Variants in OR3A2 observed in about 807,000 individuals in gnomAD.
OR3A2 encodes olfactory receptor family 3 subfamily A member 2, also known as olfactory receptor 3A2.
For synonymous variants in OR3A2, 126 were observed against 159.3 expected, an observed-to-expected ratio of 0.79 and a Z score of 1.57; for missense variants, 318 against 392.8, an observed-to-expected ratio of 0.81 and a Z score of 1.61.
intron 2 of OR3A2, among the ~76,000 whole-genome samples, chr17:3,337,031 T>C (rs376247268): frequency 4.6e-5 from 7 of 152,304 alleles, no homozygotes; most frequent in East Asian, 3.9e-4. Context: ...GATATCTGTG[T>C]CTAATTTCAT....
At chr17:3,287,550 T>C (rs1478848376), upstream of OR3A2, among the ~76,000 whole-genome samples, 1 of 152,222 alleles carries the variant, frequency 6.6e-6, no homozygotes, top group Non-Finnish European at 1.5e-5. Flanking sequence ...CAACATCTAG[T>C]TCATTTCAGA....
chr17:3,371,427 C>G (rs1006653737), intron 2 of OR3A2, among the ~76,000 whole-genome samples: 21 of 134,986 alleles, frequency 1.6e-4, no homozygotes, highest in African/African-American at 5.2e-4. Context: ...GGGGGCTGAC[C>G]CCCCCACCTC....
At chr17:3,366,446 C>T (rs2049564131) in intron 2 of OR3A2, among the ~76,000 whole-genome samples, 1 of 152,150 alleles carries the variant, frequency 6.6e-6, no homozygotes. Flanking sequence ...GAAAATTCAG[C>T]TTGTCATTTA....
chr17:3,302,821 G>C (rs1223217665), intron 3 of OR3A2, among the ~76,000 whole-genome samples: 1 of 152,070 alleles, frequency 6.6e-6, no homozygotes, highest in Non-Finnish European at 1.5e-5. Context: ...TGAGCCTAGG[G>C]CTCCATATCC....
chr17:3,330,564 G>A (rs2049222560), intron 3 of OR3A2, among the ~76,000 whole-genome samples: 1 of 151,886 alleles, frequency 6.6e-6, no homozygotes, highest in Non-Finnish European at 1.5e-5. Flanking sequence ...CCATTTGCTT[G>A]GTAGATCTTT....
intron 2 of OR3A2, among the ~76,000 whole-genome samples, chr17:3,380,211 G>A (rs1467228938): frequency 1.3e-5 from 2 of 152,192 alleles, no homozygotes; most frequent in African/African-American, 4.8e-5. Context: ...AGACTTGCTG[G>A]GAGGAAGCAG....
chr17:3,279,326 A>T (rs116088370), intron 1 of OR3A2, among the ~76,000 whole-genome samples, 173 bp from the exon 4 acceptor site: 1 of 152,250 alleles, frequency 6.6e-6, no homozygotes, highest in South Asian at 2.1e-4. Context: ...ATCTCATAAC[A>T]TCATGTTCTG....
At position 3,362,164 on chromosome 17, in the gene OR3A2, A is replaced by G. The variant is rs185397705; in HGVS notation, c.-179+21640T>C. 3.1e-3 allele frequency among the ~76,000 whole-genome samples: 463 copies of G among 151,712 alleles called. 1 individual carries two copies. The highest frequency in any genetic ancestry group is 5.6e-3 in the Non-Finnish European group (381 of 68,010). On this transcript the variant is annotated intron_variant, in intron 2 of 4. Transcript: ENST00000573491. Reference sequence around the variant, plus strand: ...TCTTGGGAGGGTGTATGTGTTGAGGAATTTATCCATTTCTTCTAGATTTTC... The same window carrying G: ...TCTTGGGAGGGTGTATGTGTTGAGGGATTTATCCATTTCTTCTAGATTTTC...
chr17:3,317,515 G>A (rs1243838176), intron 3 of OR3A2, among the ~76,000 whole-genome samples: 1 of 152,178 alleles, frequency 6.6e-6, no homozygotes, highest in African/African-American at 2.4e-5. Context: ...TAGCATTGGA[G>A]TGAGAAGTTG....
At chr17:3,305,147 C>G (rs2048990370) in intron 3 of OR3A2, among the ~76,000 whole-genome samples, 1 of 152,174 alleles carries the variant, frequency 6.6e-6, no homozygotes, top group Non-Finnish European at 1.5e-5. Context: ...GCATAAACAA[C>G]AGACATAAAC....
chr17:3,341,700 T>C (rs1370001014), intron 2 of OR3A2, among the ~76,000 whole-genome samples: 1 of 152,196 alleles, frequency 6.6e-6, no homozygotes, highest in East Asian at 1.9e-4. Context: ...CTTAACATTT[T>C]TTCTTTCATT....
At chr17:3,279,611 T>C (rs1165557637) in intron 1 of OR3A2, among the ~76,000 whole-genome samples, 1 of 152,078 alleles carries the variant, frequency 6.6e-6, no homozygotes, top group Non-Finnish European at 1.5e-5. Context: ...CTGTCCAACA[T>C]GGTGAAACCA....
upstream of OR3A2, among the ~76,000 whole-genome samples, chr17:3,286,395 T>G (rs1035394999): frequency 6.6e-6 from 1 of 152,190 alleles, no homozygotes; most frequent in Non-Finnish European, 1.5e-5. Flanking sequence ...TGTGTCTTTA[T>G]AGTAGAATGA....
intron 3 of OR3A2, among the ~76,000 whole-genome samples, chr17:3,317,580 A>T (rs575615155): frequency 4.6e-5 from 7 of 152,298 alleles, no homozygotes; most frequent in Admixed American, 2.6e-4. Flanking sequence ...GACACAGGGT[A>T]GATCATTTCC....
chr17:3,315,696 T>G (rs1357173584), intron 3 of OR3A2, among the ~76,000 whole-genome samples: 1 of 150,324 alleles, frequency 6.7e-6, no homozygotes, highest in Non-Finnish European at 1.5e-5. Context: ...TAGGTCCCAC[T>G]TGTCAATAAC....
chr17:3,332,179 G>A (rs1195756896), intron 3 of OR3A2, among the ~76,000 whole-genome samples: 1 of 152,234 alleles, frequency 6.6e-6, no homozygotes, highest in African/African-American at 2.4e-5. Context: ...TCTGTGCCCT[G>A]CCCCCAGAGG....
At chr17:3,358,515 T>C (rs2049481541) in intron 2 of OR3A2, among the ~76,000 whole-genome samples, 1 of 151,818 alleles carries the variant, frequency 6.6e-6, no homozygotes, top group Admixed American at 6.6e-5. Flanking sequence ...TCTTGAATTC[T>C]GCCTTAATTT....
intron 2 of OR3A2, among the ~76,000 whole-genome samples, chr17:3,343,307 T>C (rs1211896184): frequency 1.3e-5 from 2 of 152,132 alleles, no homozygotes; most frequent in Non-Finnish European, 1.5e-5. Flanking sequence ...GGTACCTCAG[T>C]TGGAAAAGCA....
intron 3 of OR3A2, among the ~76,000 whole-genome samples, chr17:3,325,918 C>G (rs2049167692): frequency 6.6e-6 from 1 of 152,162 alleles, no homozygotes; most frequent in Middle Eastern, 3.4e-3. Context: ...CATCCATTAG[C>G]TGTTCTTCCT....
Sources: gnomAD v4.1 joint callset for allele counts (sites outside exome capture counted in the v4.1 genomes callset) on GRCh38, gnomAD v4.1.1 for gene constraint, MANE v1.5 for transcripts, NCBI Gene and HGNC (gene_info 2026-07-23, HGNC 2026-07-21) for gene names.